The following CASR variants were observed in gnomAD, a reference collection of about 807,000 sequenced individuals.
CASR encodes the protein calcium sensing receptor.
A neutral mutation model predicts 69.1 loss-of-function variants in CASR; 23 were observed. The observed-to-expected ratio is 0.33, with a 90% CI of 0.24 to 0.47. CASR has a LOEUF of 0.47. Ranked by LOEUF, CASR falls within the 20% of genes least tolerant of loss-of-function variation. The pLI is 1.00. For synonymous variants in CASR, 541 were observed against 544.7 expected, an observed-to-expected ratio of 0.99 and a Z score of 0.10; for missense variants, 924 against 1,356.1, an observed-to-expected ratio of 0.68 and a Z score of 5.00.
chr3:122,207,130 T>A (rs1372357858), intron 1 of CASR, among the ~76,000 whole-genome samples: 4 of 152,072 alleles, frequency 2.6e-5, no homozygotes, highest in Non-Finnish European at 5.9e-5. Flanking sequence ...GCTTTTGTAG[T>A]TCCGTGAGGT....
At chr3:122,222,479 CAAT>C (rs1468530715) in intron 1 of CASR, among the ~76,000 whole-genome samples, 2 of 151,956 alleles carry the variant, frequency 1.3e-5, no homozygotes, top group African/African-American at 4.8e-5. Context: ...TCTAAAAGGT[CAAT>C]AATAATAATA....
chr3:122,261,344 C>T (rs2074619055), intron 3 of CASR, among the ~76,000 whole-genome samples, 184 bp from the exon 4 acceptor site: 1 of 152,248 alleles, frequency 6.6e-6, no homozygotes, highest in African/African-American at 2.4e-5. Context: ...TAAGTGCTCA[C>T]TCTGGAGTGG....
At chr3:122,264,121 A>AG (rs56003441) in intron 4 of CASR, among the ~76,000 whole-genome samples, 1 of 151,306 alleles carries the variant, frequency 6.6e-6, no homozygotes, top group Non-Finnish European at 1.5e-5. Flanking sequence ...AAAAAAAAAA[A>AG]GCCATGACAG....
intron 1 of CASR, among the ~76,000 whole-genome samples, chr3:122,253,189 A>G (rs1358866891): frequency 6.6e-6 from 1 of 152,214 alleles, no homozygotes; most frequent in East Asian, 1.9e-4. Flanking sequence ...CTTTTCCAAC[A>G]TTTTTGTTTG....
At chr3:122,260,521 G>A (rs1464030353) in intron 3 of CASR, among the ~76,000 whole-genome samples, 2 of 152,168 alleles carry the variant, frequency 1.3e-5, no homozygotes, top group Non-Finnish European at 2.9e-5. Flanking sequence ...CTGAATAAAG[G>A]AAAGGGCTCT....
At chr3:122,201,393 T>C (rs2073949644) in intron 1 of CASR, among the ~76,000 whole-genome samples, 1 of 152,226 alleles carries the variant, frequency 6.6e-6, no homozygotes, top group Admixed American at 6.5e-5. Flanking sequence ...GTCTCCCATG[T>C]CTACCTCTCT....
intron 4 of CASR, among the ~76,000 whole-genome samples, chr3:122,263,566 C>A (rs1049658073): frequency 1.3e-5 from 2 of 152,090 alleles, no homozygotes; most frequent in Admixed American, 6.6e-5. Flanking sequence ...CACCACAAAC[C>A]CTTTGGGAAG....
At chr3:122,249,398 T>A (rs981267805) in intron 1 of CASR, among the ~76,000 whole-genome samples, 2 of 152,254 alleles carry the variant, frequency 1.3e-5, no homozygotes, top group Non-Finnish European at 2.9e-5. Flanking sequence ...TTCAACTTTC[T>A]TTCCCTAGTG....
chr3:122,238,968 T>C (rs1010491111), intron 1 of CASR, among the ~76,000 whole-genome samples: 6 of 152,208 alleles, frequency 3.9e-5, no homozygotes, highest in Non-Finnish European at 8.8e-5. Flanking sequence ...GACTCAGACA[T>C]GCTGGTTTCA....
At chr3:122,214,724 C>T (rs1225177806) in intron 1 of CASR, among the ~76,000 whole-genome samples, 2 of 152,194 alleles carry the variant, frequency 1.3e-5, no homozygotes, top group Non-Finnish European at 2.9e-5. Flanking sequence ...AAAATCTCTC[C>T]TGGCTGCTAA....
chr3:122,214,364 A>G (rs1481048197), intron 1 of CASR, among the ~76,000 whole-genome samples: 1 of 152,154 alleles, frequency 6.6e-6, no homozygotes, highest in African/African-American at 2.4e-5. Flanking sequence ...TAGACAAACA[A>G]TTGCAGAGCT....
rs754075314 is a variant in CASR, at chr3:122,262,300, TAGC to T, written c.1268_1270del (p.Ala423del). On this transcript the variant is annotated inframe_deletion, in exon 4 of 7. Transcript: ENST00000639785. The stretch of plus-strand genomic sequence containing the variant: ...TTACGGATATCCTACAATGTGTACT[TAGC>T]AGTCTACTCCATTGCCCACGCCTTG... 1 of 1,614,122 alleles carries T rather than the reference TAGC, an allele frequency of 6.2e-7. No homozygotes were observed. Among genetic ancestry groups the T allele is most frequent in the Admixed American group, 1.7e-5 (1 of 60,032 alleles).
intron 1 of CASR, among the ~76,000 whole-genome samples, chr3:122,205,843 A>AT (rs979471730): frequency 6.6e-6 from 1 of 151,886 alleles, no homozygotes; most frequent in South Asian, 2.1e-4. Flanking sequence ...TATAAATAGG[A>AT]TTTTTTTATG....
Position 122,285,082 on chromosome 3 carries a change from A to T in CASR, c.3128A>T (p.Glu1043Val), listed in dbSNP as rs767315637. ...QGPVGGDQRP[E>V]VEDPEELSPA... is the part of the protein sequence containing the mutation. ...CCTGTGGGTGGAGACCAGCGGCCAG[A>T]GGTGGAGGACCCTGAAGAGTTGTCC... Residue 1043 changes from glutamate to valine, a missense_variant, in exon 7 of 7, where the codon GAG (glutamate) becomes GTG (valine). Coordinates refer to ENST00000639785, the MANE Select transcript of CASR (RefSeq NM_000388.4). The T allele has an allele frequency of 6.2e-7, 1 of 1,614,232 alleles. No homozygotes were observed. Among genetic ancestry groups the T allele is most frequent in the East Asian group, 2.2e-5 (1 of 44,884 alleles).
chr3:122,195,591 CA>C (rs2073882006), intron 1 of CASR, among the ~76,000 whole-genome samples: 1 of 152,188 alleles, frequency 6.6e-6, no homozygotes, highest in Admixed American at 6.5e-5. Context: ...TTAGTGTTGA[CA>C]ATGCGTTAGG....
intron 1 of CASR, among the ~76,000 whole-genome samples, chr3:122,205,290 A>G (rs181486433): frequency 2.6e-5 from 4 of 152,202 alleles, no homozygotes; most frequent in Non-Finnish European, 4.4e-5. Context: ...TCTTCTGCAT[A>G]TGGGAAGTTA....
intron 1 of CASR, among the ~76,000 whole-genome samples, chr3:122,234,198 C>A (rs548225295): frequency 6.6e-6 from 1 of 152,290 alleles, no homozygotes; most frequent in Admixed American, 6.5e-5. Context: ...CAGTAAAAGG[C>A]CAAATATTAA....
In CASR at chr3:122,224,570, G is replaced by A. The variant is rs574869171; in HGVS notation, c.-242-29378G>A. Among the ~76,000 whole-genome samples the A allele has an allele frequency of 3.3e-5, 5 of 152,156 alleles. No individual in the cohort carries two copies. In the East Asian group the frequency reaches 5.8e-4, roughly 18 times the overall value. On this transcript the variant is annotated intron_variant, in intron 1 of 6. Transcript: ENST00000639785. ...ACACAAACAAATGGAGAAACATTCC[G>A]TGCTCATGGACAGGAAGCATCAATA...
intron 1 of CASR, among the ~76,000 whole-genome samples, chr3:122,225,385 A>G (rs1258138096): frequency 1.3e-5 from 2 of 150,250 alleles, no homozygotes; most frequent in Admixed American, 6.6e-5. Flanking sequence ...AAAAAAAAAG[A>G]AAAAAAAACA....
Sources: allele counts gnomAD v4.1 joint callset (sites outside exome capture counted in the v4.1 genomes callset), GRCh38; gene constraint gnomAD v4.1.1; transcripts MANE v1.5; gene names NCBI Gene and HGNC (gene_info 2026-07-23, HGNC 2026-07-21).